ADH1B: variants seen among roughly 807,000 people sequenced by gnomAD.
The protein encoded by ADH1B is all-trans-retinol dehydrogenase [NAD(+)] ADH1B.
In ADH1B, 29 loss-of-function variants were observed where a neutral mutation model predicts 34.6. That is an observed-to-expected ratio of 0.84 (90% confidence interval 0.62 to 1.14). The LOEUF (loss-of-function observed/expected upper bound fraction) is 1.14. Ranked by LOEUF, ADH1B falls within the 50% of genes most tolerant of loss-of-function variation. The pLI is 0.00. For synonymous variants in ADH1B, 170 were observed against 175.5 expected (o/e 0.97, Z 0.25); for missense variants, 424 against 468.4 (o/e 0.91, Z 0.87).
At chr4:99,311,260 G>C (rs28914781) in intron 7 of ADH1B, among the ~76,000 whole-genome samples, 2 of 152,226 alleles carry the variant, frequency 1.3e-5, no homozygotes, top group East Asian at 3.9e-4. Context: ...ACAGTCACAA[G>C]TACAAAAACA....
At position 99,318,821 on chromosome 4, in the gene ADH1B, C is replaced by T; in HGVS notation, c.84G>A (p.Glu28=). The change falls in exon 2 of 9, where the codon GAG becomes GAA. Residue 28 remains glutamate, a synonymous_variant. Transcript: ENST00000305046. ...CTTCATAAGCCTTAGGAGGTGCAAC[C>T]TCCACATCCTCAATGGAAAAGGGTT... is the stretch of plus-strand genomic sequence containing the variant. The part of the protein sequence containing the change: ...VKKPFSIEDV[E]VAPPKAYEVR... 6.2e-7 allele frequency: 1 copy of T among 1,613,834 alleles called. No individual in the cohort carries two copies. The highest frequency in any genetic ancestry group is 8.5e-7 in the Non-Finnish European group (1 of 1,179,888).
rs200395036 is a variant in ADH1B at position 99,316,216 on chromosome 4, C to T, written c.346G>A (p.Asp116Asn). 1.9e-6 allele frequency: 3 copies of T among 1,614,196 alleles called. No homozygotes were observed. The highest frequency in any genetic ancestry group is 2.5e-6 in the Non-Finnish European group (3 of 1,180,002). The stretch of plus-strand genomic sequence containing the variant: ...GCAAAGAGAGCATCAGAAACCTACT[C>T]ATTTTTCAAGCAGTAGTTGCTCTCC... ...NPESNYCLKN[D>N]LGNPRGTLQD... Residue 116 changes from aspartate to asparagine, a missense_variant and splice_region_variant, in exon 4 of 9, where the codon GAT becomes AAT. Around this residue, in one of 3 missense-constraint regions of ADH1B, gnomAD observed 291 missense variants for 300.4 expected, o/e 0.97. Coordinates refer to ENST00000305046, the MANE Select transcript of ADH1B (RefSeq NM_000668.6).
At chr4:99,320,833 A>G in intron 1 of ADH1B, 1 of 1,227,564 alleles carries the variant, frequency 8.1e-7, no homozygotes, top group Non-Finnish European at 1.0e-6. Context: ...AGTATTTTGT[A>G]AGATATTTTA....
At chr4:99,314,267 G>A in intron 5 of ADH1B, 186 bp from the exon 6 acceptor site, 1 of 1,005,428 alleles carries the variant, frequency 9.9e-7, no homozygotes, top group Non-Finnish European at 1.4e-6. Context: ...CTAGTTGAGT[G>A]GTTTTCAAAC....
intron 5 of ADH1B, chr4:99,315,671 GA>G: frequency 1.6e-6 from 1 of 608,402 alleles, no homozygotes; most frequent in Middle Eastern, 4.3e-4. Flanking sequence ...AGCAAATTCA[GA>G]AGAAAAATTA....
chr4:99,318,039 C>G lies in ADH1B; in HGVS notation c.259+7G>C. ...CCACACGTGTTCCCTGAGTGTGAAT[C>G]CTGTACCTGGTTTGACTGTAGTCAC... On this transcript the variant is annotated splice_region_variant and intron_variant, in intron 3 of 8. Coordinates refer to ENST00000305046, the MANE Select transcript of ADH1B (RefSeq NM_000668.6). 1.2e-6 allele frequency: 2 copies of G among 1,613,806 alleles called. No individual in the cohort carries two copies. The highest frequency in any genetic ancestry group is 1.1e-5 in the South Asian group (1 of 91,018).
At position 99,314,343 on chromosome 4, in the gene ADH1B, T is replaced by C. The variant is rs1733826776; in HGVS notation, c.568-262A>G. On this transcript the variant is annotated intron_variant, in intron 5 of 8. Transcript: ENST00000305046. ...CCCACAGTCCAGGTCACAGCCCATG[T>C]CAATTAAATGAGGAATCTCTGCAGG... The C allele has an allele frequency of 5.6e-6, 3 of 532,698 alleles. No homozygotes were observed. In the South Asian group the frequency reaches 8.9e-5, roughly 16 times the overall value. 33.0% of individuals were successfully genotyped at this position (532,698 alleles called of 1,614,324 possible). A position where few individuals can be genotyped will look rare whatever the true frequency, so the allele number is the denominator to read the frequency against.
In ADH1B at chr4:99,310,755, T is replaced by G. The variant is rs752548749; in HGVS notation, c.1103+10A>C. ...AAAAAAGCAAAACAGAAAACTAACTTAAAATCTACCTTTTCCCAGAGTGAA... is the reference window on the plus strand; with the variant it reads ...AAAAAAGCAAAACAGAAAACTAACTGAAAATCTACCTTTTCCCAGAGTGAA... On this transcript the variant is annotated intron_variant, in intron 8 of 8. Transcript: ENST00000305046. 1.6e-5 allele frequency: 26 copies of G among 1,601,614 alleles called. No individual in the cohort carries two copies. The highest frequency in any genetic ancestry group is 2.1e-5 in the Non-Finnish European group (25 of 1,176,836).
In ADH1B at chr4:99,319,099, T is replaced by C. The variant is rs1171074645; in HGVS notation, c.19-213A>G. 4 of 664,898 alleles carry C rather than the reference T, an allele frequency of 6.0e-6. No homozygotes were observed. In the Admixed American group the frequency reaches 9.6e-5, roughly 16 times the overall value. The allele number at this position is 664,898 out of a possible 1,614,324, so 41.2% of individuals were successfully genotyped here. ...AAGATAAACAAAGTATAATAAGACA[T>C]TGAGAAAAATGGAATATATTTATTT... On this transcript the variant is annotated intron_variant, in intron 1 of 8. Transcript: ENST00000305046.
At chr4:99,314,926 A>G (rs1051665334) in intron 5 of ADH1B, 16 of 152,214 alleles carry the variant, frequency 1.1e-4, no homozygotes, top group Admixed American at 9.2e-4. Context: ...ATTGTGGGTA[A>G]CATGCTTTCC....
In ADH1B at chr4:99,315,920, C is replaced by G. The variant is rs372305115; in HGVS notation, c.545G>C (p.Gly182Ala). The G allele has an allele frequency of 1.1e-5, 18 of 1,614,174 alleles. No homozygotes were observed. The highest frequency in any genetic ancestry group is 1.4e-5 in the Non-Finnish European group (17 of 1,180,038). Residue 182 changes from glycine to alanine, a missense_variant, in exon 5 of 9, where the codon GGG (glycine) becomes GCG (alanine). Around this residue, in one of 3 missense-constraint regions of ADH1B, gnomAD observed 291 missense variants for 300.4 expected, o/e 0.97. Transcript: ENST00000305046. ...CACCTTGGCAACGTTAACTGCAGACCCATAACCAGTCGAGAATCCACAGCC... is the reference window on the plus strand; with the variant it reads ...CACCTTGGCAACGTTAACTGCAGACGCATAACCAGTCGAGAATCCACAGCC... Reference protein sequence around the residue: ...LIGCGFSTGYGSAVNVAKVTP... With the variant: ...LIGCGFSTGYASAVNVAKVTP...
intron 5 of ADH1B, chr4:99,314,282 G>T: frequency 1.2e-6 from 1 of 821,106 alleles, no homozygotes; most frequent in Non-Finnish European, 1.9e-6. Flanking sequence ...TCAAACTGAT[G>T]CATATTAGAT....
chr4:99,317,887 G>A (rs1733924740), intron 3 of ADH1B, 159 bp downstream of exon 3: 3 of 1,207,946 alleles, frequency 2.5e-6, no homozygotes, highest in South Asian at 1.5e-5. Context: ...TACATGCTTG[G>A]GTCAGGCAGG....
At position 99,318,090 on chromosome 4, in the gene ADH1B, C is replaced by T; in HGVS notation, c.215G>A (p.Gly72Asp). Residue 72 changes from glycine to aspartate, a missense_variant, in exon 3 of 9, where the codon GGC (glycine) becomes GAC (aspartate). Coordinates refer to ENST00000305046, the MANE Select transcript of ADH1B (RefSeq NM_000668.6). ...LPVILGHEAAGIVESVGEGVT... is the reference protein window; with the variant it reads ...LPVILGHEAADIVESVGEGVT... Reference sequence around the variant, plus strand: ...CCCTTCTCCAACACTCTCCACGATGCCGGCTGCCTCATGGCCTAAAATCAC... The same window carrying T: ...CCCTTCTCCAACACTCTCCACGATGTCGGCTGCCTCATGGCCTAAAATCAC... 6.2e-7 allele frequency: 1 copy of T among 1,614,120 alleles called. No individual in the cohort carries two copies. Among genetic ancestry groups the T allele is most frequent in the Non-Finnish European group, 8.5e-7 (1 of 1,180,010 alleles).
In ADH1B at chr4:99,318,858, C is replaced by T. The variant is rs1453332261; in HGVS notation, c.47G>A (p.Trp16Ter). Reference protein sequence around the residue: ...KVIKCKAAVLWEVKKPFSIED... With the variant: ...KVIKCKAAVL ...AATGGAAAAGGGTTTCTTTACCTCC[C>T]ATAGCACAGCTGCTTTGCATTTGAT... The change falls in exon 2 of 9, where the codon TGG (tryptophan) becomes TAG (stop). Residue 16 changes from tryptophan to a stop codon, truncating the protein, a stop_gained. Transcript: ENST00000305046. LOFTEE classifies it high-confidence loss of function. The T allele has an allele frequency of 6.2e-7, 1 of 1,613,876 alleles. No individual in the cohort carries two copies. Among genetic ancestry groups the T allele is most frequent in the Admixed American group, 1.7e-5 (1 of 60,014 alleles).
Position 99,307,789 on chromosome 4 carries a change from G to A in ADH1B, c.*51C>T. The A allele has an allele frequency of 6.3e-7, 1 of 1,598,316 alleles. No individual in the cohort carries two copies. On this transcript the variant is annotated 3_prime_UTR_variant, in exon 9 of 9. Transcript: ENST00000305046. ...TTTCCTAGCTGTTGCTCCAGATCTT[G>A]TAGGGTAGAGGAGGCTGAAGACTGC... is the stretch of plus-strand genomic sequence containing the variant.
chr4:99,320,755 C>A, intron 1 of ADH1B: 1 of 1,097,218 alleles, frequency 9.1e-7, no homozygotes, highest in Non-Finnish European at 1.1e-6. Context: ...TAATGGACCC[C>A]TTTTAATCAG....
chr4:99,312,273 G>A (rs2110632258), intron 6 of ADH1B, among the ~76,000 whole-genome samples: 1 of 152,260 alleles, frequency 6.6e-6, no homozygotes, highest in South Asian at 2.1e-4. Context: ...CAGAACATGT[G>A]GCTGTCAGAC....
chr4:99,314,076 G>T lies in ADH1B; in HGVS notation c.573C>A (p.Thr191=), dbSNP rs1733820504. 31 of 1,612,764 alleles carry T rather than the reference G, an allele frequency of 1.9e-5. No homozygotes were observed. Among genetic ancestry groups the T allele is most frequent in the Non-Finnish European group, 2.6e-5 (31 of 1,179,416 alleles). ...CAAACACAGCACAGGTAGAGCCTGGGGTGACCTGTGTTTTCAGAAAATGCA... is the reference window on the plus strand; with the variant it reads ...CAAACACAGCACAGGTAGAGCCTGGTGTGACCTGTGTTTTCAGAAAATGCA... ...YGSAVNVAKV[T]PGSTCAVFGL... The change falls in exon 6 of 9, where the codon ACC becomes ACA. Residue 191 remains threonine, a synonymous_variant. Coordinates refer to ENST00000305046, the MANE Select transcript of ADH1B (RefSeq NM_000668.6).
Sources: gnomAD v4.1 joint callset for allele counts (sites outside exome capture counted in the v4.1 genomes callset) on GRCh38, gnomAD v4.1.1 for gene constraint, gnomAD v4.1.1 regional missense constraint, MANE v1.5 for transcripts, NCBI Gene and HGNC (gene_info 2026-07-23, HGNC 2026-07-21) for gene names.